Variants in INTS7 observed in about 807,000 individuals in gnomAD.
INTS7 encodes the protein chromosome 1 open reading frame 73.
In INTS7, 46 loss-of-function variants were observed where a neutral mutation model predicts 109.2. The observed-to-expected ratio is 0.42, with a 90% confidence interval of 0.33 to 0.54. The LOEUF is 0.54. Among genes scored for constraint, INTS7 ranks in the 20% least tolerant of loss-of-function variants. INTS7 has a pLI of 0.07. For synonymous variants in INTS7, 412 were observed against 402.9 expected, an observed-to-expected ratio of 1.02 and a Z score of -0.27; for missense variants, 929 against 1,132.4, an observed-to-expected ratio of 0.82 and a Z score of 2.58.
Position 212,035,476 on chromosome 1 carries a change from T to G in INTS7, c.-39A>C. On this transcript the variant is annotated 5_prime_UTR_variant, in exon 1 of 20. Transcript: ENST00000366994. The stretch of plus-strand genomic sequence containing the variant: ...ACTCGACTAGCCTAGTCAGAAAGCT[T>G]GCAAACTCTACCCCAGGACCGCCAT... 1 of 1,442,360 alleles carries G rather than the reference T, an allele frequency of 6.9e-7. No homozygotes were observed. The highest frequency in any genetic ancestry group is 1.1e-5 in the South Asian group (1 of 87,662). The allele number at this position is 1,442,360 out of a possible 1,614,324, so 89.3% of individuals were successfully genotyped here.
chr1:212,007,638 C>T (rs1314578054), intron 5 of INTS7, among the ~76,000 whole-genome samples, 189 bp from the exon 6 acceptor site: 2 of 152,134 alleles, frequency 1.3e-5, no homozygotes, highest in Non-Finnish European at 2.9e-5. Context: ...TTTATCTTGA[C>T]ATTAACTTTT....
intron 9 of INTS7, 101 bp from the exon 10 acceptor site, chr1:211,981,291 G>T: frequency 1.5e-6 from 1 of 646,830 alleles, no homozygotes; most frequent in Non-Finnish European, 2.7e-6. Flanking sequence ...ACATTAAGGA[G>T]TTTAAGATAT....
chr1:211,995,641 G>T (rs952363428), intron 7 of INTS7, among the ~76,000 whole-genome samples: 1 of 152,218 alleles, frequency 6.6e-6, no homozygotes, highest in Non-Finnish European at 1.5e-5. Flanking sequence ...GAAATGGTTA[G>T]ATATTGCTGT....
Position 211,975,183 on chromosome 1 carries a change from C to G in INTS7, c.1798G>C (p.Gly600Arg). Reference protein sequence around the residue: ...IAESLKFYHKGIASLTAASTP... With the variant: ...IAESLKFYHKRIASLTAASTP... ...GGACTTACTGTTAAGGAAGCAATCC[C>G]TTTGTGATAGAATTTTAAAGATTCA... Residue 600 changes from glycine to arginine, a missense_variant, in exon 13 of 20, where the codon GGG becomes CGG. This residue lies in a region of INTS7 where 787 missense variants were observed against 901.1 expected (regional missense o/e 0.87). Coordinates refer to ENST00000366994, the MANE Select transcript of INTS7 (RefSeq NM_015434.4). 6.2e-7 allele frequency: 1 copy of G among 1,612,550 alleles called. No homozygotes were observed. The highest frequency in any genetic ancestry group is 8.5e-7 in the Non-Finnish European group (1 of 1,178,580).
In INTS7 at chr1:211,952,727, A is replaced by G. The variant is rs199933266; in HGVS notation, c.2184-26T>C. The G allele has an allele frequency of 4.4e-6, 7 of 1,597,216 alleles. No homozygotes were observed. The African/African-American group carries it at 6.7e-5, about 15-fold the overall frequency. Reference sequence around the variant, plus strand: ...CTGAAGTAAAGGTCAATATTCATTAATCCATCAAAATAGCATGGCTATTTA... The same window carrying G: ...CTGAAGTAAAGGTCAATATTCATTAGTCCATCAAAATAGCATGGCTATTTA... On this transcript the variant is annotated intron_variant, in intron 16 of 19. Transcript: ENST00000366994.
chr1:211,968,366 C>A, intron 14 of INTS7, 147 bp downstream of exon 14: 1 of 639,984 alleles, frequency 1.6e-6, no homozygotes, highest in Non-Finnish European at 2.6e-6. Context: ...ACACATCAGC[C>A]TATTTTTTAG....
At chr1:211,954,154 T>C (rs986799876) in intron 16 of INTS7, among the ~76,000 whole-genome samples, 1 of 152,268 alleles carries the variant, frequency 6.6e-6, no homozygotes, top group Admixed American at 6.5e-5. Context: ...TGGCTAGTGA[T>C]GGTGAGCATT....
rs1285199437 is a variant in INTS7 at position 211,959,991 on chromosome 1, TA to T, written c.2183+6438del. Among the ~76,000 whole-genome samples, 4 of 152,230 alleles carry T rather than the reference TA, an allele frequency of 2.6e-5. No homozygotes were observed. Among genetic ancestry groups the T allele is most frequent in the African/African-American group, 9.6e-5 (4 of 41,458 alleles). ...GTTATGCTGCTGTTGCTGCTGCTGGTATGTGCAACTGAGGATGGATCCTGCT... is the reference window on the plus strand; with the variant it reads ...GTTATGCTGCTGTTGCTGCTGCTGGTTGTGCAACTGAGGATGGATCCTGCT... On this transcript the variant is annotated intron_variant, in intron 16 of 19. Coordinates refer to ENST00000366994, the MANE Select transcript of INTS7 (RefSeq NM_015434.4). The surrounding 1 kb of genome is among the most constrained non-coding windows in gnomAD (Gnocchi z 4.2).
Position 212,035,553 on chromosome 1 carries a change from GT to G in INTS7, c.-117del. Reference sequence around the variant, plus strand: ...TTTCTTCCGCGCGCTGTCAAGCCCTGTTACGCATGCGCCCTGGTCACCCCGC... The same window carrying G: ...TTTCTTCCGCGCGCTGTCAAGCCCTGTACGCATGCGCCCTGGTCACCCCGC... On this transcript the variant is annotated 5_prime_UTR_variant, in exon 1 of 20. Transcript: ENST00000366994. The G allele has an allele frequency of 1.2e-6, 1 of 825,792 alleles. No individual in the cohort carries two copies. Among genetic ancestry groups the G allele is most frequent in the Non-Finnish European group, 2.0e-6 (1 of 493,252 alleles). 51.2% of individuals were successfully genotyped at this position (825,792 alleles called of 1,614,324 possible).
chr1:211,974,308 T>TATATAA lies in INTS7; in HGVS notation c.1815+857_1815+858insTTATAT, dbSNP rs1179528621. Among the ~76,000 whole-genome samples, 15 of 143,728 alleles carry TATATAA rather than the reference T, an allele frequency of 1.0e-4. No individual in the cohort carries two copies. The East Asian group carries it at 1.2e-3, about 12-fold the overall frequency. 94.3% of individuals were successfully genotyped at this position (143,728 alleles called of 152,430 possible). A position where few individuals can be genotyped will look rare whatever the true frequency, so the allele number is the denominator to read the frequency against. On this transcript the variant is annotated intron_variant, in intron 13 of 19. Coordinates refer to ENST00000366994, the MANE Select transcript of INTS7 (RefSeq NM_015434.4). ...ATATATATATATATATATATATATA[T>TATATAA]AAAATACTTCAAAATATATGTGCCT...
intron 10 of INTS7, among the ~76,000 whole-genome samples, chr1:211,979,474 G>A (rs1412640798): frequency 2.0e-5 from 3 of 152,068 alleles, no homozygotes; most frequent in Non-Finnish European, 4.4e-5. Context: ...GGTTATTGAA[G>A]GACTGAAACA....
At chr1:212,018,174 T>C (rs988067983) in intron 3 of INTS7, among the ~76,000 whole-genome samples, 4 of 152,168 alleles carry the variant, frequency 2.6e-5, no homozygotes, top group Non-Finnish European at 5.9e-5. Context: ...GGATTAGATA[T>C]AAAATTCTTG....
chr1:211,961,466 G>A (rs1663629259), intron 16 of INTS7, among the ~76,000 whole-genome samples: 1 of 149,570 alleles, frequency 6.7e-6, no homozygotes, highest in Non-Finnish European at 1.5e-5. Flanking sequence ...GTCTTGGTCT[G>A]TTGCCCAGGC....
intron 1 of INTS7, 75 bp from the exon 2 acceptor site, chr1:212,021,287 T>C: frequency 3.3e-6 from 4 of 1,229,218 alleles, no homozygotes; most frequent in Non-Finnish European, 2.3e-6. Context: ...ATAGCAAATA[T>C]AATTTACTAG....
chr1:211,981,377 A>G (rs1664659123), intron 9 of INTS7, among the ~76,000 whole-genome samples, 187 bp from the exon 10 acceptor site: 1 of 152,230 alleles, frequency 6.6e-6, no homozygotes, highest in Admixed American at 6.5e-5. Context: ...TGTAAAGTCT[A>G]TCTTCAGACT....
chr1:211,968,601 A>G lies in INTS7; in HGVS notation c.1922T>C (p.Leu641Pro), dbSNP rs1664017160. 1 of 1,613,988 alleles carries G rather than the reference A, an allele frequency of 6.2e-7. No individual in the cohort carries two copies. The highest frequency in any genetic ancestry group is 1.3e-5 in the African/African-American group (1 of 74,900). The change falls in exon 14 of 20, where the codon CTG becomes CCG. Residue 641 changes from leucine (L) to proline (P), a missense_variant. Leu to Pro is a moderately conservative substitution (Grantham distance 98). Around this residue, in one of 2 missense-constraint regions of INTS7, gnomAD observed 787 missense variants for 901.1 expected, o/e 0.87. Transcript: ENST00000366994. ...AATTGCAGGTGGTGGGCTTGTCTTC[A>G]GGCTATTACAAGTACAGATAAGTTG... ...FSQLICTCNS[L>P]KTSPPPAIAT...
chr1:211,940,889 T>C lies in INTS7; in HGVS notation c.*935A>G, dbSNP rs1662598123. 6.6e-6 allele frequency: 1 copy of C among 152,266 alleles called. No individual in the cohort carries two copies. Among genetic ancestry groups the C allele is most frequent in the Non-Finnish European group, 1.5e-5 (1 of 68,044 alleles). 9.4% of individuals were successfully genotyped at this position (152,266 alleles called of 1,614,324 possible). A position where few individuals can be genotyped will look rare whatever the true frequency, so the allele number is the denominator to read the frequency against. Reference sequence around the variant, plus strand: ...TGTGAAATGTCTGTATTATACACAGTTGCAGACACATCAGAAAAAACAAAT... The same window carrying C: ...TGTGAAATGTCTGTATTATACACAGCTGCAGACACATCAGAAAAAACAAAT... On this transcript the variant is annotated 3_prime_UTR_variant, in exon 20 of 20. Coordinates refer to ENST00000366994, the MANE Select transcript of INTS7 (RefSeq NM_015434.4).
chr1:212,021,394 C>T (rs777100624), intron 1 of INTS7, among the ~76,000 whole-genome samples, 182 bp from the exon 2 acceptor site: 2 of 151,594 alleles, frequency 1.3e-5, no homozygotes, highest in Admixed American at 6.6e-5. Flanking sequence ...ATCTGGAAAT[C>T]GCTACTTTTA....
chr1:212,033,177 C>T (rs1370859927), intron 1 of INTS7, among the ~76,000 whole-genome samples: 2 of 152,070 alleles, frequency 1.3e-5, no homozygotes, highest in Non-Finnish European at 1.5e-5. Flanking sequence ...AAACAGTATT[C>T]CTTGGAGTTT....
Sources: allele counts gnomAD v4.1 joint callset (sites outside exome capture counted in the v4.1 genomes callset), GRCh38; gene constraint gnomAD v4.1.1; regional missense constraint gnomAD v4.1.1; non-coding constraint Gnocchi (gnomAD v3.1); transcripts MANE v1.5; gene names NCBI Gene and HGNC (gene_info 2026-07-23, HGNC 2026-07-21).